PDE4D: variants seen among roughly 807,000 people sequenced by gnomAD.
PDE4D encodes the protein 3',5'-cyclic-AMP phosphodiesterase 4D.
In PDE4D, 24 loss-of-function variants were observed where a neutral mutation model predicts 87.4. The ratio of observed to expected loss-of-function variants is 0.27; its 90% CI spans 0.20 to 0.39. The LOEUF (loss-of-function observed/expected upper bound fraction) is 0.39. Ranked by LOEUF, PDE4D falls within the 10% of genes least tolerant of loss-of-function variation. PDE4D has a pLI of 1.00. For missense variants in PDE4D, 714 were observed against 1,041.0 expected (o/e 0.69, Z 4.32); for synonymous variants, 384 against 383.2 (o/e 1.00, Z -0.02).
At chr5:60,239,427 C>T (rs1413425285) in intron 1 of PDE4D, among the ~76,000 whole-genome samples, 1 of 152,110 alleles carries the variant, frequency 6.6e-6, no homozygotes, top group Non-Finnish European at 1.5e-5. Context: ...TCTTTGTATA[C>T]ATTTTGGAAT....
chr5:59,953,835 TAGTAAAG>T (rs1359655237), intron 3 of PDE4D, among the ~76,000 whole-genome samples: 3 of 152,348 alleles, frequency 2.0e-5, no homozygotes, highest in East Asian at 3.9e-4. Context: ...TAAAAAGACT[TAGTAAAG>T]AGGAGTTACT....
chr5:59,199,906 A>G (rs940592045), intron 2 of PDE4D, among the ~76,000 whole-genome samples: 1 of 151,934 alleles, frequency 6.6e-6, no homozygotes, highest in African/African-American at 2.4e-5. Context: ...ATATACATAT[A>G]TGCATGTATA....
At chr5:59,603,338 G>A (rs534837453) in intron 1 of PDE4D, among the ~76,000 whole-genome samples, 21 of 151,886 alleles carry the variant, frequency 1.4e-4, no homozygotes, top group Non-Finnish European at 2.2e-4. Context: ...ATGGGCAAAG[G>A]AACTAAAAAG....
chr5:59,373,455 T>C lies in PDE4D; in HGVS notation c.456-157487A>G, dbSNP rs1180557840. 2.6e-5 allele frequency among the ~76,000 whole-genome samples: 4 copies of C among 152,082 alleles called. No individual in the cohort carries two copies. The East Asian group carries it at 5.8e-4, about 22-fold the overall frequency. ...AATCTCAGAGCTTGAAAACTGGCTTTCTAAAATAAGACAGTCAGACAAGAA... is the reference window on the plus strand; with the variant it reads ...AATCTCAGAGCTTGAAAACTGGCTTCCTAAAATAAGACAGTCAGACAAGAA... On this transcript the variant is annotated intron_variant, in intron 1 of 14. Transcript: ENST00000340635.
rs1286419722 is a variant in PDE4D, at chr5:59,398,260, G to A, written c.456-182292C>T. ...CCAGCATCATTCTAATACCAAAGCC[G>A]GGCAGAGACACAACCAAAAAAGAGA... is the stretch of plus-strand genomic sequence containing the variant. On this transcript the variant is annotated intron_variant, in intron 1 of 14. Transcript: ENST00000340635. 5.9e-4 allele frequency among the ~76,000 whole-genome samples: 70 copies of A among 119,042 alleles called. 14 individuals carry two copies. Among genetic ancestry groups the A allele is most frequent in the Non-Finnish European group, 1.0e-3 (57 of 56,284 alleles). 78.1% of individuals were successfully genotyped at this position (119,042 alleles called of 152,430 possible).
At chr5:59,779,143 C>CA (rs1310525395) in intron 1 of PDE4D, among the ~76,000 whole-genome samples, 1 of 150,784 alleles carries the variant, frequency 6.6e-6, no homozygotes, top group African/African-American at 2.4e-5. Context: ...GCCTGGGCAA[C>CA]AGAGCAAGAC....
At chr5:59,267,633 G>C (rs1374579960) in intron 1 of PDE4D, among the ~76,000 whole-genome samples, 1 of 152,044 alleles carries the variant, frequency 6.6e-6, no homozygotes, top group Non-Finnish European at 1.5e-5. Context: ...AGAAGAATTG[G>C]TTTATCTATT....
chr5:60,114,725 T>C (rs1213083194), intron 2 of PDE4D, among the ~76,000 whole-genome samples: 1 of 152,030 alleles, frequency 6.6e-6, no homozygotes, highest in African/African-American at 2.4e-5. Flanking sequence ...ATCACTTTGC[T>C]TGTTAAATCT....
At chr5:59,894,499 A>G (rs534778609), upstream of PDE4D, among the ~76,000 whole-genome samples, 10 of 152,294 alleles carry the variant, frequency 6.6e-5, no homozygotes, top group East Asian at 1.9e-4. Flanking sequence ...AGAATGCCCA[A>G]TGTTTCCTCT....
chr5:60,299,838 T>C (rs1283221115), intron 1 of PDE4D, among the ~76,000 whole-genome samples: 1 of 152,248 alleles, frequency 6.6e-6, no homozygotes, highest in Non-Finnish European at 1.5e-5. Context: ...TCTTTGCTTT[T>C]GTAAATAGTG....
At chr5:59,761,340 C>A (rs1438358897) in intron 1 of PDE4D, among the ~76,000 whole-genome samples, 1 of 152,094 alleles carries the variant, frequency 6.6e-6, no homozygotes, top group Non-Finnish European at 1.5e-5. Context: ...AAACACTGTA[C>A]ACTTAGGCTA....
intron 1 of PDE4D, among the ~76,000 whole-genome samples, chr5:59,775,675 A>G (rs1321952396): frequency 6.6e-6 from 1 of 152,186 alleles, no homozygotes; most frequent in Non-Finnish European, 1.5e-5. Flanking sequence ...CTTGTGCATA[A>G]TGAAATTGAC....
intron 1 of PDE4D, among the ~76,000 whole-genome samples, chr5:59,761,976 C>T (rs1032135968): frequency 2.0e-5 from 3 of 152,008 alleles, no homozygotes; most frequent in South Asian, 2.1e-4. Context: ...TATGACTTCA[C>T]TAGGTGATTG....
intron 1 of PDE4D, among the ~76,000 whole-genome samples, chr5:59,302,240 T>C (rs1334558101): frequency 1.3e-5 from 2 of 152,138 alleles, no homozygotes; most frequent in African/African-American, 4.8e-5. Flanking sequence ...TCAGGAAGAA[T>C]CAGGATACAG....
chr5:59,821,268 C>CAACAAT (rs1198075750), intron 1 of PDE4D, among the ~76,000 whole-genome samples: 18 of 150,984 alleles, frequency 1.2e-4, no homozygotes, highest in African/African-American at 4.4e-4. Context: ...ACAACAACAA[C>CAACAAT]AACAACAAAA....
chr5:59,124,642 A>T (rs950744647), intron 5 of PDE4D, among the ~76,000 whole-genome samples: 6 of 152,234 alleles, frequency 3.9e-5, no homozygotes, highest in African/African-American at 1.2e-4. Flanking sequence ...AAATGATCCA[A>T]CAAACATAAT....
intron 5 of PDE4D, among the ~76,000 whole-genome samples, chr5:59,170,140 C>T (rs1415863001): frequency 6.6e-6 from 1 of 152,122 alleles, no homozygotes; most frequent in Admixed American, 6.5e-5. Context: ...AAATGATCCT[C>T]CTGAATAGCT....
chr5:59,541,580 C>A (rs935613388), intron 1 of PDE4D, among the ~76,000 whole-genome samples: 1 of 152,212 alleles, frequency 6.6e-6, no homozygotes, highest in Admixed American at 6.5e-5. Context: ...GGGATACTAT[C>A]TCCTCCCCCT....
intron 1 of PDE4D, among the ~76,000 whole-genome samples, chr5:59,670,321 TA>T (rs982272045): frequency 3.9e-5 from 6 of 152,192 alleles, no homozygotes; most frequent in Non-Finnish European, 8.8e-5. Flanking sequence ...CAAGGTAGGT[TA>T]AGCATCATTA....
Sources: gnomAD v4.1 joint callset for allele counts (sites outside exome capture counted in the v4.1 genomes callset) on GRCh38, gnomAD v4.1.1 for gene constraint, MANE v1.5 for transcripts, NCBI Gene and HGNC (gene_info 2026-07-23, HGNC 2026-07-21) for gene names.